SNRK: variants seen among roughly 807,000 people sequenced by gnomAD.
SNRK encodes SNF-related serine/threonine-protein kinase.
SNRK carries 3 observed loss-of-function variants against 48.2 expected under a neutral mutation model. The ratio of observed to expected loss-of-function variants is 0.06; its 90% CI spans 0.03 to 0.16. The LOEUF is 0.16. Ranked by LOEUF, SNRK falls within the 10% of genes least tolerant of loss-of-function variation. SNRK has a pLI of 1.00. For synonymous variants in SNRK, 376 were observed against 366.1 expected, an observed-to-expected ratio of 1.03 and a Z score of -0.31; for missense variants, 627 against 976.0, an observed-to-expected ratio of 0.64 and a Z score of 4.76.
At chr3:43,324,982 A>G (rs2091083917) in intron 3 of SNRK, among the ~76,000 whole-genome samples, 1 of 152,120 alleles carries the variant, frequency 6.6e-6, no homozygotes, top group South Asian at 2.1e-4. Context: ...ACCTTGCTTG[A>G]TTTTTATCCC....
At chr3:43,313,328 A>G (rs903864060) in intron 3 of SNRK, among the ~76,000 whole-genome samples, 2 of 152,204 alleles carry the variant, frequency 1.3e-5, no homozygotes, top group African/African-American at 2.4e-5. Context: ...TTATCCTTCA[A>G]CATGTTAATT....
chr3:43,296,000 A>G (rs1421875500), intron 1 of SNRK, among the ~76,000 whole-genome samples: 1 of 152,038 alleles, frequency 6.6e-6, no homozygotes, highest in African/African-American at 2.4e-5. Context: ...TGGCCTCCCA[A>G]AATGCTGGAT....
chr3:43,344,204 TCTC>T (rs141138240), intron 6 of SNRK, among the ~76,000 whole-genome samples: 2,531 of 151,674 alleles, frequency 0.017, 193 homozygotes, highest in Admixed American at 0.13. Context: ...TAACCCCCTC[TCTC>T]CTCCTCCTCC....
intron 3 of SNRK, among the ~76,000 whole-genome samples, chr3:43,331,449 A>G (rs1201148826): frequency 4.6e-5 from 7 of 152,218 alleles, no homozygotes; most frequent in Admixed American, 4.6e-4. Flanking sequence ...CCATTGGTGC[A>G]GAAATGCCTT....
rs1559471382 is a variant in SNRK, at chr3:43,343,459, A to G, written c.1060A>G (p.Asn354Asp). The G allele has an allele frequency of 1.2e-6, 2 of 1,613,964 alleles. No homozygotes were observed. Among genetic ancestry groups the G allele is most frequent in the Non-Finnish European group, 1.7e-6 (2 of 1,179,978 alleles). ...ACAGACCAGATCTGCAAGCCCGAGCAATATCAAGGCCCAGTTTAGGTGAGA... is the reference window on the plus strand; with the variant it reads ...ACAGACCAGATCTGCAAGCCCGAGCGATATCAAGGCCCAGTTTAGGTGAGA... ...EIQTRSASPS[N>D]IKAQFRQSWP... The change falls in exon 6 of 7, where the codon AAT (asparagine) becomes GAT (aspartate). Residue 354 changes from asparagine to aspartate, a missense_variant. Transcript: ENST00000296088.
At chr3:43,296,661 C>T (rs1365268043) in intron 1 of SNRK, among the ~76,000 whole-genome samples, 1 of 151,908 alleles carries the variant, frequency 6.6e-6, no homozygotes, top group Non-Finnish European at 1.5e-5. Context: ...CTGTTTTGTC[C>T]CTACCTCTCT....
chr3:43,299,701 A>G (rs2090884516), intron 1 of SNRK, 53 bp from the exon 2 acceptor site: 1 of 152,682 alleles, frequency 6.5e-6, no homozygotes, highest in South Asian at 2.1e-4. Flanking sequence ...GACTTTAAGC[A>G]AAATTCAAAC....
At chr3:43,322,459 G>A (rs73831253) in intron 3 of SNRK, among the ~76,000 whole-genome samples, 3,806 of 152,232 alleles carry the variant, frequency 0.025, 164 homozygotes, top group African/African-American at 0.085. Context: ...ACAAGTTGGG[G>A]CAATATTTGT....
intron 3 of SNRK, among the ~76,000 whole-genome samples, chr3:43,328,116 C>T (rs546229246): frequency 4.6e-5 from 7 of 152,016 alleles, no homozygotes; most frequent in East Asian, 3.9e-4. Context: ...TTTGTTAACC[C>T]GTGGATCTTT....
At chr3:43,311,348 C>T (rs1198245097) in intron 3 of SNRK, among the ~76,000 whole-genome samples, 1 of 152,138 alleles carries the variant, frequency 6.6e-6, no homozygotes, top group African/African-American at 2.4e-5. Context: ...GAAGCTCCCC[C>T]AGCTGGGTTT....
Position 43,347,170 on chromosome 3 carries a change from CT to C in SNRK, c.1080-167del. Reference sequence around the variant, plus strand: ...ACCATGTTTCAAAACCACATTTGCCCTTCTGGTGGCCTTGCTGATGTTTACA... The same window carrying C: ...ACCATGTTTCAAAACCACATTTGCCCTCTGGTGGCCTTGCTGATGTTTACA... On this transcript the variant is annotated intron_variant, in intron 6 of 6. Coordinates refer to ENST00000296088, the MANE Select transcript of SNRK (RefSeq NM_017719.5). This position sits in a 1 kb window ranked among gnomAD's most constrained non-coding sequence, Gnocchi z 5.4. 1 of 625,078 alleles carries C rather than the reference CT, an allele frequency of 1.6e-6. No homozygotes were observed. Among genetic ancestry groups the C allele is most frequent in the Non-Finnish European group, 2.6e-6 (1 of 385,830 alleles). 38.7% of individuals were successfully genotyped at this position (625,078 alleles called of 1,614,324 possible).
chr3:43,331,391 C>T (rs2091145085), intron 3 of SNRK, among the ~76,000 whole-genome samples: 1 of 152,148 alleles, frequency 6.6e-6, no homozygotes, highest in Non-Finnish European at 1.5e-5. Flanking sequence ...CAGAGTTCGT[C>T]TAATGCTAGA....
At position 43,350,874 on chromosome 3, in the gene SNRK, A is replaced by G. The variant is rs2091318020; in HGVS notation, c.*2317A>G. 1 of 152,598 alleles carries G rather than the reference A, an allele frequency of 6.6e-6. No individual in the cohort carries two copies. Among genetic ancestry groups the G allele is most frequent in the Non-Finnish European group, 1.5e-5 (1 of 68,030 alleles). The allele number at this position is 152,598 out of a possible 1,614,324, so 9.5% of individuals were successfully genotyped here. A position where few individuals can be genotyped will look rare whatever the true frequency, so the allele number is the denominator to read the frequency against. ...TTTTTCTGTATGTGTGTATATATAT[A>G]TAATTATGTACTTCTGGCAATTCTA... On this transcript the variant is annotated 3_prime_UTR_variant, in exon 7 of 7. Coordinates refer to ENST00000296088, the MANE Select transcript of SNRK (RefSeq NM_017719.5).
At chr3:43,345,661 C>T (rs2091269836) in intron 6 of SNRK, among the ~76,000 whole-genome samples, 1 of 152,246 alleles carries the variant, frequency 6.6e-6, no homozygotes, top group East Asian at 1.9e-4. Context: ...AGGGACTCCA[C>T]TAGAGAATGA....
rs147439022 is a variant in SNRK, at chr3:43,330,882, C to G, written c.590-1287C>G. Among the ~76,000 whole-genome samples, 492 of 152,308 alleles carry G rather than the reference C, an allele frequency of 3.2e-3. 1 individual carries two copies. Among genetic ancestry groups the G allele is most frequent in the African/African-American group, 0.011 (458 of 41,572 alleles). The stretch of plus-strand genomic sequence containing the variant: ...TTCAGTCTGCTTTTTTCATCTGATT[C>G]ATTAGTTTCCATCAGAGTATCCTTA... On this transcript the variant is annotated intron_variant, in intron 3 of 6. Coordinates refer to ENST00000296088, the MANE Select transcript of SNRK (RefSeq NM_017719.5).
chr3:43,335,959 T>G (rs919348612), intron 4 of SNRK, among the ~76,000 whole-genome samples: 5 of 152,210 alleles, frequency 3.3e-5, no homozygotes, highest in Non-Finnish European at 7.3e-5. Flanking sequence ...AAATACATCT[T>G]TTTTTAACAG....
At chr3:43,297,679 T>G (rs143623834) in intron 1 of SNRK, among the ~76,000 whole-genome samples, 28 of 152,274 alleles carry the variant, frequency 1.8e-4, no homozygotes, top group African/African-American at 6.0e-4. Flanking sequence ...TTTGAGATTT[T>G]CTGTAAGAAT....
intron 4 of SNRK, among the ~76,000 whole-genome samples, chr3:43,339,854 T>C (rs1347693432): frequency 1.2e-5 from 1 of 82,372 alleles, no homozygotes; most frequent in African/African-American, 6.7e-5. Context: ...TATATATATA[T>C]ATATATATAT....
intron 3 of SNRK, among the ~76,000 whole-genome samples, chr3:43,321,846 C>CT (rs1169163213): frequency 1.3e-5 from 2 of 152,316 alleles, no homozygotes; most frequent in East Asian, 3.9e-4. Flanking sequence ...ATGGAGGCAT[C>CT]TTTTAAAGCC....
Sources: allele counts gnomAD v4.1 joint callset (sites outside exome capture counted in the v4.1 genomes callset), GRCh38; gene constraint gnomAD v4.1.1; non-coding constraint Gnocchi (gnomAD v3.1); transcripts MANE v1.5; gene names NCBI Gene and HGNC (gene_info 2026-07-23, HGNC 2026-07-21).